NRXN3: variants seen among roughly 807,000 people sequenced by gnomAD.
The protein encoded by NRXN3 is neurexin III.
Under a neutral mutation model 137.6 loss-of-function variants are expected in NRXN3, and 32 were observed. The observed-to-expected ratio is 0.23, with a 90% CI of 0.18 to 0.31. The LOEUF (loss-of-function observed/expected upper bound fraction) is 0.31. NRXN3 is among the 10% of genes least tolerant of loss of function. NRXN3 has a pLI of 1.00. For missense variants in NRXN3, 1,574 were observed against 2,062.5 expected (o/e 0.76, Z 4.59); for synonymous variants, 798 against 784.5 (o/e 1.02, Z -0.29).
chr14:79,280,279 C>T (rs1435957682), intron 15 of NRXN3: 1 of 1,613,802 alleles, frequency 6.2e-7, no homozygotes, highest in South Asian at 1.1e-5. Flanking sequence ...TGTAGTGGTC[C>T]CGTGCGTTGA....
At chr14:78,801,902 T>G (rs943150273) in intron 8 of NRXN3, among the ~76,000 whole-genome samples, 5 of 152,232 alleles carry the variant, frequency 3.3e-5, no homozygotes, top group African/African-American at 1.2e-4. Context: ...ATTTATTTCC[T>G]GTGTCATTTA....
chr14:79,443,180 T>G (rs1011876845), intron 15 of NRXN3, among the ~76,000 whole-genome samples: 6 of 152,252 alleles, frequency 3.9e-5, no homozygotes, highest in Non-Finnish European at 8.8e-5. Context: ...TTAGAGTTCA[T>G]GTATTTGACT....
chr14:78,515,717 C>G (rs770304114), intron 4 of NRXN3, among the ~76,000 whole-genome samples: 1 of 151,610 alleles, frequency 6.6e-6, no homozygotes, highest in African/African-American at 2.4e-5. Context: ...TGACGAGTTT[C>G]GTGAAAAACA....
intron 16 of NRXN3, among the ~76,000 whole-genome samples, chr14:79,553,177 A>G (rs962180191): frequency 2.0e-5 from 3 of 152,034 alleles, no homozygotes; most frequent in Admixed American, 6.6e-5. Flanking sequence ...TCATTTTCTG[A>G]GCCTCAACAA....
At chr14:79,853,902 A>T in intron 20 of NRXN3, 1 of 992,164 alleles carries the variant, frequency 1.0e-6, no homozygotes, top group Non-Finnish European at 1.2e-6. Context: ...AATCATAGCA[A>T]TCGGAATTAT....
At chr14:78,724,977 G>A (rs2098476583) in intron 8 of NRXN3, among the ~76,000 whole-genome samples, 1 of 152,132 alleles carries the variant, frequency 6.6e-6, no homozygotes. Flanking sequence ...TTTTCTGCCA[G>A]GTAGATGCAG....
intron 2 of NRXN3, among the ~76,000 whole-genome samples, chr14:78,255,128 G>T (rs1325256364): frequency 7.1e-6 from 1 of 140,918 alleles, no homozygotes; most frequent in African/African-American, 2.7e-5. Flanking sequence ...TTGGCCGTCA[G>T]CCATCTCCCC....
intron 15 of NRXN3, among the ~76,000 whole-genome samples, chr14:79,362,140 T>C (rs926163687): frequency 6.6e-6 from 1 of 150,778 alleles, no homozygotes; most frequent in Non-Finnish European, 1.5e-5. Context: ...TTTATTTTAT[T>C]TTATTTTATT....
At chr14:79,818,779 G>T (rs773671993) in intron 20 of NRXN3, among the ~76,000 whole-genome samples, 3 of 152,116 alleles carry the variant, frequency 2.0e-5, no homozygotes, top group Non-Finnish European at 4.4e-5. Context: ...CTTAAAATGA[G>T]TTATAAAGAA....
At chr14:79,470,945 AGAGAGAGT>A (rs1160925606) in intron 16 of NRXN3, among the ~76,000 whole-genome samples, 45 of 59,390 alleles carry the variant, frequency 7.6e-4, no homozygotes, top group South Asian at 1.1e-3. Flanking sequence ...AGAGAAAGAG[AGAGAGAGT>A]GTGTGTGTGT....
intron 15 of NRXN3, among the ~76,000 whole-genome samples, chr14:79,427,577 C>A (rs912569679): frequency 6.6e-6 from 1 of 152,132 alleles, no homozygotes. Flanking sequence ...CTTTGGGAGG[C>A]CAAGGTGGGT....
intron 3 of NRXN3, 149 bp downstream of exon 3, chr14:78,278,811 A>G: frequency 1.5e-6 from 1 of 683,292 alleles, no homozygotes; most frequent in South Asian, 1.8e-5. Context: ...AATGCATTGA[A>G]TTAATGGATT....
At chr14:78,192,065 A>AGTGT (rs34445474) in intron 1 of NRXN3, among the ~76,000 whole-genome samples, 339 of 142,958 alleles carry the variant, frequency 2.4e-3, no homozygotes, top group South Asian at 0.017. Context: ...GCTGCCCGAA[A>AGTGT]GTGTGTGTGT....
chr14:78,539,959 G>C (rs532340885), intron 4 of NRXN3, among the ~76,000 whole-genome samples: 54 of 152,200 alleles, frequency 3.5e-4, no homozygotes, highest in Admixed American at 6.5e-4. Context: ...TGATTGCACT[G>C]TGGTCTCAGA....
intron 4 of NRXN3, among the ~76,000 whole-genome samples, chr14:78,505,937 C>T (rs2095980173): frequency 6.6e-6 from 1 of 152,118 alleles, no homozygotes; most frequent in African/African-American, 2.4e-5. Flanking sequence ...AGGTAATAGA[C>T]ATATTCAACA....
intron 10 of NRXN3, among the ~76,000 whole-genome samples, chr14:78,948,715 G>A (rs2099377157): frequency 7.3e-6 from 1 of 137,064 alleles, no homozygotes; most frequent in African/African-American, 2.7e-5. Flanking sequence ...TTTAAAGAAA[G>A]CCCAGGTTAT....
chr14:79,124,963 A>G (rs1019579949), intron 15 of NRXN3, among the ~76,000 whole-genome samples: 2 of 152,218 alleles, frequency 1.3e-5, no homozygotes, highest in Non-Finnish European at 2.9e-5. Context: ...TAATTACATT[A>G]TTCAAGAAAA....
At chr14:78,732,100 G>A (rs1162841818) in intron 8 of NRXN3, among the ~76,000 whole-genome samples, 1 of 152,086 alleles carries the variant, frequency 6.6e-6, no homozygotes, top group Non-Finnish European at 1.5e-5. Context: ...TGGACCAGAG[G>A]CTACCCAGGG....
chr14:79,745,274 C>G (rs2098976184), intron 19 of NRXN3, among the ~76,000 whole-genome samples: 1 of 152,176 alleles, frequency 6.6e-6, no homozygotes, highest in African/African-American at 2.4e-5. Context: ...TATGCAAGAC[C>G]TTCTGTAGCT....
Sources: allele counts gnomAD v4.1 joint callset (sites outside exome capture counted in the v4.1 genomes callset), GRCh38; gene constraint gnomAD v4.1.1; transcripts MANE v1.5; gene names NCBI Gene and HGNC (gene_info 2026-07-23, HGNC 2026-07-21).